Variants in THRA observed in about 807,000 individuals in gnomAD.
THRA encodes EAR-7.
THRA carries 13 observed loss-of-function variants against 45.0 expected under a neutral mutation model. The ratio of observed to expected loss-of-function variants is 0.29; its 90% CI spans 0.19 to 0.46. THRA has a LOEUF of 0.46. THRA is among the 20% of genes least tolerant of loss of function. THRA has a pLI of 1.00. For synonymous variants in THRA, 195 were observed against 214.0 expected, an observed-to-expected ratio of 0.91 and a Z score of 0.78; for missense variants, 278 against 556.1, an observed-to-expected ratio of 0.50 and a Z score of 5.03.
Position 40,092,869 on chromosome 17 carries a change from G to A in THRA, c.*3413G>A. 1 of 1,109,784 alleles carries A rather than the reference G, an allele frequency of 9.0e-7. No individual in the cohort carries two copies. Among genetic ancestry groups the A allele is most frequent in the Non-Finnish European group, 1.3e-6 (1 of 794,596 alleles). The allele number at this position is 1,109,784 out of a possible 1,614,324, so 68.7% of individuals were successfully genotyped here. The stretch of plus-strand genomic sequence containing the variant: ...AGGGGAGGGTTGTGGGGGAGACAGA[G>A]TGGTTTAAATAGGGGAGGAGGGGAA... On this transcript the variant is annotated 3_prime_UTR_variant, in exon 9 of 9. Coordinates refer to ENST00000450525, the MANE Select transcript of THRA (RefSeq NM_199334.5).
chr17:40,093,402 G>T, downstream of THRA: 2 of 1,603,302 alleles, frequency 1.2e-6, no homozygotes, highest in Non-Finnish European at 1.7e-6. This position sits in a 1 kb window ranked among gnomAD's most constrained non-coding sequence, Gnocchi z 5.9. Context: ...GAAGGCCGAT[G>T]GGGAAGGAGA....
At chr17:40,088,936 T>C (rs766005434) in intron 8 of THRA, among the ~76,000 whole-genome samples, 2 of 138,116 alleles carry the variant, frequency 1.4e-5, no homozygotes, top group Non-Finnish European at 3.1e-5. Context: ...GGCTCCTCTC[T>C]CTCCCCCAGC....
rs987971029 is a variant in THRA at position 40,088,507 on chromosome 17, G to A, written c.982+7G>A. 2.5e-6 allele frequency: 4 copies of A among 1,607,120 alleles called. No homozygotes were observed. The African/African-American group carries it at 5.3e-5, about 21-fold the overall frequency. On this transcript the variant is annotated splice_region_variant and intron_variant, in intron 8 of 8. Coordinates refer to ENST00000450525, the MANE Select transcript of THRA (RefSeq NM_199334.5). ...GTGCTGCTAATGTCAACAGGTACCT[G>A]CTGATTAGTCGGGAGGGCTCAGAAG...
intron 5 of THRA, 25 bp downstream of exon 5, chr17:40,084,007 A>G: frequency 6.3e-7 from 1 of 1,592,382 alleles, no homozygotes; most frequent in Non-Finnish European, 8.6e-7. Context: ...TGGAGGGAAT[A>G]GAGCCAGGTG....
downstream of THRA, chr17:40,093,254 C>T (rs200539215): frequency 1.9e-5 from 30 of 1,613,726 alleles, no homozygotes; most frequent in African/African-American, 4.0e-5. The surrounding 1 kb of genome is among the most constrained non-coding windows in gnomAD (Gnocchi z 5.9). Context: ...GCTGCTCCAC[C>T]GAAGCGGAAT....
intron 2 of THRA, 148 bp downstream of exon 2, chr17:40,074,689 G>C: frequency 1.2e-6 from 1 of 819,866 alleles, no homozygotes. Context: ...TCTGGCAGAT[G>C]AAGTCATGTT....
At chr17:40,074,652 G>C in intron 2 of THRA, 111 bp downstream of exon 2, 1 of 1,174,668 alleles carries the variant, frequency 8.5e-7, no homozygotes, top group Non-Finnish European at 1.3e-6. Flanking sequence ...ATGGACGTGA[G>C]GCCAGCAAGC....
Position 40,084,832 on chromosome 17 carries a change from C to A in THRA, c.576+17C>A, listed in dbSNP as rs73983003. 2.1e-4 allele frequency: 337 copies of A among 1,611,814 alleles called. 1 individual carries two copies. The African/African-American group carries it at 3.8e-3, about 18-fold the overall frequency. On this transcript the variant is annotated intron_variant, in intron 6 of 8. Coordinates refer to ENST00000450525, the MANE Select transcript of THRA (RefSeq NM_199334.5). Reference sequence around the variant, plus strand: ...AAATTCCTGGTAAGGAGAAAGGGGGCATGGGGAGAGCAGTAGCCAGGTGGC... The same window carrying A: ...AAATTCCTGGTAAGGAGAAAGGGGGAATGGGGAGAGCAGTAGCCAGGTGGC...
chr17:40,064,795 T>C (rs1567646275), intron 1 of THRA, among the ~76,000 whole-genome samples: 1 of 152,138 alleles, frequency 6.6e-6, no homozygotes, highest in Non-Finnish European at 1.5e-5. Flanking sequence ...TGATTGACTG[T>C]GGAACCTGCA....
At chr17:40,083,014 A>G (rs1251584052) in intron 4 of THRA, among the ~76,000 whole-genome samples, 1 of 138,304 alleles carries the variant, frequency 7.2e-6, no homozygotes, top group Non-Finnish European at 1.5e-5. Flanking sequence ...GGCAAGCTCC[A>G]CCTCCTGGGT....
chr17:40,068,901 T>A (rs1826735040), intron 1 of THRA: 1 of 152,554 alleles, frequency 6.6e-6, no homozygotes, highest in African/African-American at 2.4e-5. Context: ...AGTGGGTGTG[T>A]TGTGCACGCA....
chr17:40,087,403 C>A (rs1987367973), intron 7 of THRA, among the ~76,000 whole-genome samples: 1 of 147,282 alleles, frequency 6.8e-6, no homozygotes, highest in Non-Finnish European at 1.5e-5. Flanking sequence ...ACAGACACAC[C>A]CAGCACACAG....
intron 2 of THRA, among the ~76,000 whole-genome samples, chr17:40,075,728 C>T (rs1444249906): frequency 1.3e-5 from 2 of 152,216 alleles, no homozygotes; most frequent in African/African-American, 2.4e-5. Context: ...CACTCAGAGG[C>T]TGTGAGTCTG....
downstream of THRA, chr17:40,093,465 A>T: frequency 6.7e-7 from 1 of 1,497,206 alleles, no homozygotes. This position sits in a 1 kb window ranked among gnomAD's most constrained non-coding sequence, Gnocchi z 5.9. Context: ...GAGGTGCCTG[A>T]AAGCTGGGAG....
At chr17:40,063,530 G>A (rs1308248985) in intron 1 of THRA, among the ~76,000 whole-genome samples, 2 of 151,834 alleles carry the variant, frequency 1.3e-5, no homozygotes, top group Non-Finnish European at 2.9e-5. Flanking sequence ...CCTTTGCAAA[G>A]CTGCCTCCAG....
At chr17:40,066,666 AAAAAAAAAAAAAAAAAAAGAAAAAC>A (rs1986580356) in intron 1 of THRA, among the ~76,000 whole-genome samples, 1 of 118,728 alleles carries the variant, frequency 8.4e-6, no homozygotes, top group Non-Finnish European at 1.6e-5. Context: ...TCCGTCTCAA[AAAAAAAAAAAAAAAAAAAGAAAAAC>A]AAAAAAGAAC....
downstream of THRA, chr17:40,093,594 C>T: frequency 1.3e-6 from 1 of 782,800 alleles, no homozygotes; most frequent in Non-Finnish European, 2.0e-6. The surrounding 1 kb of genome is among the most constrained non-coding windows in gnomAD (Gnocchi z 5.9). Flanking sequence ...GCCTGGGATG[C>T]CCTTCCCCCT....
intron 8 of THRA, 91 bp downstream of exon 8, chr17:40,088,591 A>G: frequency 6.7e-7 from 1 of 1,488,076 alleles, no homozygotes; most frequent in Non-Finnish European, 9.1e-7. Flanking sequence ...TCCCTCCTGA[A>G]TCTTCTTCTG....
downstream of THRA, chr17:40,093,593 G>A (rs1416734188): frequency 1.3e-6 from 1 of 796,450 alleles, no homozygotes; most frequent in Non-Finnish European, 1.9e-6. This position sits in a 1 kb window ranked among gnomAD's most constrained non-coding sequence, Gnocchi z 5.9. Context: ...TGCCTGGGAT[G>A]CCCTTCCCCC....
Sources: allele counts gnomAD v4.1 joint callset (sites outside exome capture counted in the v4.1 genomes callset), GRCh38; gene constraint gnomAD v4.1.1; non-coding constraint Gnocchi (gnomAD v3.1); transcripts MANE v1.5; gene names NCBI Gene and HGNC (gene_info 2026-07-23, HGNC 2026-07-21).